The following HIVEP1 variants were observed in gnomAD, a reference collection of about 807,000 sequenced individuals.
The protein encoded by HIVEP1 is HIVEP zinc finger 1.
A neutral mutation model predicts 180.0 loss-of-function variants in HIVEP1; 36 were observed. That is an observed-to-expected ratio of 0.20 (90% CI 0.15 to 0.26). HIVEP1 has a LOEUF of 0.26. HIVEP1 is among the 10% of genes least tolerant of loss of function. The probability of loss-of-function intolerance (pLI) is 1.00; values close to 1 mark genes in which losing one functional copy is unlikely to be tolerated. For synonymous variants in HIVEP1, 1,239 were observed against 1,239.0 expected (o/e 1.00, Z 0.00); for missense variants, 3,143 against 3,268.7 (o/e 0.96, Z 0.94).
intron 3 of HIVEP1, among the ~76,000 whole-genome samples, chr6:12,116,057 A>C (rs1775194459): frequency 6.6e-6 from 1 of 151,972 alleles, no homozygotes; most frequent in South Asian, 2.1e-4. Context: ...TTCTCTTCAT[A>C]CCAATTTTAT....
chr6:12,021,576 C>T (rs1292456924), intron 2 of HIVEP1, among the ~76,000 whole-genome samples: 1 of 152,150 alleles, frequency 6.6e-6, no homozygotes, highest in Admixed American at 6.5e-5. Flanking sequence ...CATGATCATT[C>T]TTCTCCAGGT....
At chr6:12,055,776 C>G (rs192617874) in intron 2 of HIVEP1, among the ~76,000 whole-genome samples, 17 of 152,268 alleles carry the variant, frequency 1.1e-4, no homozygotes, top group African/African-American at 3.9e-4. Flanking sequence ...ATTAAAAGAG[C>G]CTTTCCCTGC....
intron 2 of HIVEP1, chr6:12,037,877 C>A (rs1286990520): frequency 3.0e-6 from 1 of 334,088 alleles, no homozygotes; most frequent in Non-Finnish European, 5.4e-6. Flanking sequence ...TGCCTAGCTA[C>A]TTTTTTTTTT....
chr6:12,086,173 C>T (rs1047257898), intron 2 of HIVEP1, among the ~76,000 whole-genome samples: 4 of 152,136 alleles, frequency 2.6e-5, no homozygotes, highest in African/African-American at 9.7e-5. Flanking sequence ...GCTGTTTTAG[C>T]CACTGGCCTT....
downstream of HIVEP1, among the ~76,000 whole-genome samples, chr6:12,167,713 A>G (rs567198520): frequency 6.3e-5 from 5 of 79,932 alleles, no homozygotes; most frequent in East Asian, 7.3e-4. Flanking sequence ...ACATATATGC[A>G]TAATATATAT....
rs774716457 is a variant in HIVEP1, at chr6:12,120,701, G to A, written c.906G>A (p.Pro302=). The part of the protein sequence containing the change: ...PKSNQHNQQL[P]GCSGFTGSLT... ...CCAACCAACATAATCAACAGCTTCC[G>A]GGGTGTTCAGGTTTCACAGGATCAC... Residue 302 remains proline (P), a synonymous_variant, in exon 4 of 9, where the codon CCG becomes CCA. Transcript: ENST00000379388. 1.1e-5 allele frequency: 18 copies of A among 1,613,998 alleles called. No individual in the cohort carries two copies. The East Asian group carries it at 2.9e-4, about 26-fold the overall frequency.
chr6:12,009,280 G>A (rs1442317254), upstream of HIVEP1, among the ~76,000 whole-genome samples: 1 of 151,162 alleles, frequency 6.6e-6, no homozygotes, highest in Non-Finnish European at 1.5e-5. Context: ...AGGGTGGCGC[G>A]GGGCCCAGTG....
intron 2 of HIVEP1, among the ~76,000 whole-genome samples, chr6:12,074,979 C>T (rs1266476212): frequency 6.6e-6 from 1 of 152,110 alleles, no homozygotes; most frequent in Non-Finnish European, 1.5e-5. Context: ...TATTAGATAT[C>T]GTTTAAATTT....
At chr6:12,040,734 G>A (rs1264299803) in intron 2 of HIVEP1, among the ~76,000 whole-genome samples, 1 of 152,166 alleles carries the variant, frequency 6.6e-6, no homozygotes, top group Non-Finnish European at 1.5e-5. Context: ...AAGAAAAGAG[G>A]TTTAATTGGC....
intron 2 of HIVEP1, among the ~76,000 whole-genome samples, chr6:12,046,513 G>A (rs1770122479): frequency 6.6e-6 from 1 of 152,204 alleles, no homozygotes; most frequent in African/African-American, 2.4e-5. Context: ...AGGTGCGGTG[G>A]CTCACGCCTG....
intron 2 of HIVEP1, among the ~76,000 whole-genome samples, chr6:12,023,904 C>T (rs981780948): frequency 1.6e-4 from 25 of 152,136 alleles, no homozygotes; most frequent in African/African-American, 4.8e-5. Flanking sequence ...CATAGAAAAA[C>T]ATTTTTAAGC....
intron 2 of HIVEP1, among the ~76,000 whole-genome samples, chr6:12,042,328 G>T (rs951277770): frequency 1.4e-5 from 2 of 148,128 alleles, no homozygotes; most frequent in African/African-American, 5.0e-5. Context: ...TGATCCACCC[G>T]CCTCGGCCTC....
At chr6:12,097,231 C>T (rs1195500911) in intron 3 of HIVEP1, among the ~76,000 whole-genome samples, 1 of 151,384 alleles carries the variant, frequency 6.6e-6, no homozygotes, top group African/African-American at 2.4e-5. Flanking sequence ...ATCTTAGTCT[C>T]TTAATGTTAA....
At chr6:12,107,590 G>A (rs148971790) in intron 3 of HIVEP1, among the ~76,000 whole-genome samples, 1,602 of 152,302 alleles carry the variant, frequency 0.011, 29 homozygotes, top group African/African-American at 0.036. Flanking sequence ...ATGTTCGGAT[G>A]TGTTCGGAGT....
Position 12,124,300 on chromosome 6 carries a change from A to T in HIVEP1, c.4505A>T (p.Asn1502Ile). ...QAETSNSSST[N>I]VFPVQQLCDI... The stretch of plus-strand genomic sequence containing the variant: ...GAAACATCAAACTCCAGCTCTACCA[A>T]CGTTTTTCCTGTTCAACAGCTCTGT... The change falls in exon 4 of 9, where the codon AAC becomes ATC. Residue 1502 changes from asparagine (N) to isoleucine (I), a missense_variant. Transcript: ENST00000379388. The T allele has an allele frequency of 6.2e-7, 1 of 1,614,052 alleles. No individual in the cohort carries two copies. Among genetic ancestry groups the T allele is most frequent in the Non-Finnish European group, 8.5e-7 (1 of 1,179,994 alleles).
At chr6:12,136,025 CTAAT>C (rs1758685576) in intron 7 of HIVEP1, 133 bp downstream of exon 7, 2 of 526,300 alleles carry the variant, frequency 3.8e-6, no homozygotes, top group Non-Finnish European at 6.8e-6. Flanking sequence ...CAGTAGACTC[CTAAT>C]TAGTTTTTCC....
intron 3 of HIVEP1, among the ~76,000 whole-genome samples, chr6:12,108,551 G>T (rs1774630507): frequency 6.6e-6 from 1 of 152,246 alleles, no homozygotes; most frequent in Non-Finnish European, 1.5e-5. Context: ...GGCAGCTAAT[G>T]CCCGGCGAGA....
Position 12,119,136 on chromosome 6 carries a change from C to T in HIVEP1, c.95-754C>T, listed in dbSNP as rs1026907773. Among the ~76,000 whole-genome samples, 4 of 152,318 alleles carry T rather than the reference C, an allele frequency of 2.6e-5. No individual in the cohort carries two copies. The South Asian group carries it at 8.3e-4, about 32-fold the overall frequency. Reference sequence around the variant, plus strand: ...AAAGATTAATGGCAAGGCAGCCATGCAGGAGATGGGCTCAATTCTGTCTTC... The same window carrying T: ...AAAGATTAATGGCAAGGCAGCCATGTAGGAGATGGGCTCAATTCTGTCTTC... On this transcript the variant is annotated intron_variant, in intron 3 of 8. Coordinates refer to ENST00000379388, the MANE Select transcript of HIVEP1 (RefSeq NM_002114.4).
Position 12,164,304 on chromosome 6 carries a change from C to T in HIVEP1, c.8000C>T (p.Ala2667Val). The T allele has an allele frequency of 6.2e-7, 1 of 1,614,038 alleles. No homozygotes were observed. The highest frequency in any genetic ancestry group is 8.5e-7 in the Non-Finnish European group (1 of 1,180,030). The stretch of plus-strand genomic sequence containing the variant: ...TCCACGTCACAACCTCTGCTGAAGG[C>T]ACATTCTGAAGTTTTTACAAAGCCC... ...PASTSQPLLK[A>V]HSEVFTKPSG... Residue 2667 changes from alanine (A) to valine (V), a missense_variant, in exon 9 of 9, where the codon GCA becomes GTA. Around this residue, in one of 12 missense-constraint regions of HIVEP1, gnomAD observed 595 missense variants for 602.2 expected, o/e 0.99. Coordinates refer to ENST00000379388, the MANE Select transcript of HIVEP1 (RefSeq NM_002114.4).
Sources: gnomAD v4.1 joint callset for allele counts (sites outside exome capture counted in the v4.1 genomes callset) on GRCh38, gnomAD v4.1.1 for gene constraint, gnomAD v4.1.1 regional missense constraint, MANE v1.5 for transcripts, NCBI Gene and HGNC (gene_info 2026-07-23, HGNC 2026-07-21) for gene names.